The following SATL1 variants were observed in gnomAD, a reference collection of about 807,000 sequenced individuals.
SATL1 encodes spermidine/spermine N1-acetyl transferase like 1.
A neutral mutation model predicts 51.8 loss-of-function variants in SATL1; 47 were observed. The ratio of observed to expected loss-of-function variants is 0.91; its 90% confidence interval spans 0.72 to 1.16. The LOEUF is 1.16. SATL1 is among the 50% of genes most tolerant of loss of function. SATL1 has a pLI of 0.00. For missense variants in SATL1, 520 were observed against 526.4 expected, an observed-to-expected ratio of 0.99 and a Z score of 0.12; for synonymous variants, 176 against 182.4, an observed-to-expected ratio of 0.97 and a Z score of 0.28.
intron 4 of SATL1, among the ~76,000 whole-genome samples, chrX:85,095,565 G>A (rs890998850): frequency 2.1e-5 from 2 of 94,457 alleles, no homozygotes; most frequent in African/African-American, 7.5e-5. Context: ...GGTGGCTCAC[G>A]CCTGTAATCC....
chrX:85,215,299 G>A (rs1350604771), intron 2 of SATL1, among the ~76,000 whole-genome samples: 2 of 111,220 alleles, frequency 1.8e-5, no homozygotes, highest in Non-Finnish European at 3.8e-5. Context: ...AGGTCTCTGG[G>A]CCTGTGATTG....
At position 85,099,500 on chromosome X, in the gene SATL1, C is replaced by A. The variant is rs888996150; in HGVS notation, c.1693+4364G>T. Among the ~76,000 whole-genome samples the A allele has an allele frequency of 1.7e-4, 19 of 111,440 alleles. No individual in the cohort carries two copies. The Admixed American group carries it at 1.8e-3, about 11-fold the overall frequency. On this transcript the variant is annotated intron_variant, in intron 4 of 7. Transcript: ENST00000644105. ...TTAATAATATAGGTTAAAAAATTCTCCACAAAATTGGAAATTGAACTCAAC... is the reference window on the plus strand; with the variant it reads ...TTAATAATATAGGTTAAAAAATTCTACACAAAATTGGAAATTGAACTCAAC...
At chrX:85,177,604 T>G (rs1307818262) in intron 2 of SATL1, among the ~76,000 whole-genome samples, 1 of 111,650 alleles carries the variant, frequency 9.0e-6, no homozygotes, top group Non-Finnish European at 1.9e-5. Context: ...ACTGTGCAAC[T>G]ATATACCCAA....
intron 4 of SATL1, among the ~76,000 whole-genome samples, chrX:85,096,217 C>A (rs192712725): frequency 4.5e-5 from 5 of 109,934 alleles, no homozygotes; most frequent in African/African-American, 9.9e-5. Flanking sequence ...TTAAAAAATC[C>A]TCCCCCTAAC....
chrX:85,156,813 TTATATATA>T (rs71933802), intron 2 of SATL1, among the ~76,000 whole-genome samples: 777 of 61,718 alleles, frequency 0.013, 8 homozygotes, highest in Middle Eastern at 0.023. Flanking sequence ...CATGTGGAGA[TTATATATA>T]TATATATATA....
At chrX:85,213,806 G>GA (rs971180261) in intron 2 of SATL1, among the ~76,000 whole-genome samples, 1 of 110,222 alleles carries the variant, frequency 9.1e-6, no homozygotes, top group African/African-American at 3.3e-5. Flanking sequence ...AGATAGAACT[G>GA]AAAAAAAAGA....
intron 2 of SATL1, chrX:85,211,735 G>T (rs1217492977): frequency 2.7e-5 from 3 of 111,299 alleles, no homozygotes; most frequent in Admixed American, 9.6e-5. Context: ...ATAGATAGAT[G>T]ATGATGGTGA....
At chrX:85,133,570 G>T (rs1925871166) in intron 2 of SATL1, among the ~76,000 whole-genome samples, 1 of 112,250 alleles carries the variant, frequency 8.9e-6, no homozygotes, top group Non-Finnish European at 1.9e-5. Flanking sequence ...GCTTCCCTTG[G>T]CTAGGAAAGG....
chrX:85,129,593 C>G (rs1191945759), intron 2 of SATL1, among the ~76,000 whole-genome samples: 2 of 111,658 alleles, frequency 1.8e-5, no homozygotes, highest in Admixed American at 1.9e-4. Context: ...CTTCTGCAAA[C>G]AGGGACAATT....
At chrX:85,115,375 A>G (rs1363949280) in intron 2 of SATL1, among the ~76,000 whole-genome samples, 4 of 112,943 alleles carry the variant, frequency 3.5e-5, no homozygotes, top group Non-Finnish European at 7.5e-5. Flanking sequence ...GCCCTGTGGC[A>G]TAACAGGAAT....
chrX:85,219,375 CT>C (rs766242452), intron 2 of SATL1: 2 of 111,874 alleles, frequency 1.8e-5, no homozygotes, highest in African/African-American at 6.5e-5. Context: ...TCTTTTCCCC[CT>C]CTCTCACTCT....
chrX:85,241,894 G>T (rs920295796), intron 1 of SATL1, among the ~76,000 whole-genome samples: 1 of 111,762 alleles, frequency 8.9e-6, no homozygotes, highest in Admixed American at 9.5e-5. Context: ...GGAATGGGGA[G>T]AATCGATTTG....
chrX:85,145,138 C>T (rs1926201498), intron 2 of SATL1, among the ~76,000 whole-genome samples: 1 of 111,776 alleles, frequency 8.9e-6, no homozygotes, highest in Non-Finnish European at 1.9e-5. Flanking sequence ...ACTATTTAAT[C>T]TATCTGTCTA....
intron 2 of SATL1, among the ~76,000 whole-genome samples, chrX:85,182,878 A>G (rs1466797995): frequency 8.9e-6 from 1 of 111,750 alleles, no homozygotes; most frequent in Non-Finnish European, 1.9e-5. Flanking sequence ...GGCCATTTGT[A>G]TGTCTTCTTT....
intron 1 of SATL1, among the ~76,000 whole-genome samples, chrX:85,226,169 TCTA>T (rs1928274598): frequency 1.8e-5 from 2 of 111,333 alleles, no homozygotes; most frequent in Admixed American, 1.9e-4. Context: ...TCCTGCAGTG[TCTA>T]CTAGAACTTA....
At chrX:85,111,853 T>G (rs1232882269) in intron 2 of SATL1, among the ~76,000 whole-genome samples, 2 of 111,854 alleles carry the variant, frequency 1.8e-5, no homozygotes, top group East Asian at 5.6e-4. Context: ...CCCCTTTTTC[T>G]GTAGGTGCTA....
Position 85,170,278 on chromosome X carries a change from T to A in SATL1, c.-313+53927A>T, listed in dbSNP as rs1181851999. On this transcript the variant is annotated intron_variant, in intron 2 of 7. Coordinates refer to ENST00000644105, the MANE Select transcript of SATL1 (RefSeq NM_001367857.2). ...TGCACATGTACCTGTGAACTTAAAA[T>A]AAAAGTTTAAACTATAAGAAAAGTA... Among the ~76,000 whole-genome samples, 5 of 110,998 alleles carry A rather than the reference T, an allele frequency of 4.5e-5. No homozygotes were observed. In the East Asian group the frequency reaches 1.4e-3, roughly 31 times the overall value.
intron 4 of SATL1, among the ~76,000 whole-genome samples, chrX:85,103,202 C>T (rs748401608): frequency 2.1e-4 from 23 of 111,108 alleles, no homozygotes; most frequent in Non-Finnish European, 4.2e-4. Context: ...TAGGGCATGG[C>T]GCAAAAGACT....
intron 1 of SATL1, among the ~76,000 whole-genome samples, chrX:85,233,357 A>G (rs759699911): frequency 8.9e-6 from 1 of 112,312 alleles, no homozygotes; most frequent in Admixed American, 9.4e-5. Flanking sequence ...TACAAGAAAT[A>G]CTTAACTCTT....
Sources: gnomAD v4.1 joint callset for allele counts (sites outside exome capture counted in the v4.1 genomes callset) on GRCh38, gnomAD v4.1.1 for gene constraint, MANE v1.5 for transcripts, NCBI Gene and HGNC (gene_info 2026-07-23, HGNC 2026-07-21) for gene names.